PPARGC1A: variants seen among roughly 807,000 people sequenced by gnomAD.
PPARGC1A encodes peroxisome proliferator-activated receptor gamma coactivator 1-alpha.
Under a neutral mutation model 88.7 loss-of-function variants are expected in PPARGC1A, and 25 were observed. The observed-to-expected ratio is 0.28, with a 90% confidence interval of 0.21 to 0.39. The LOEUF is 0.39. Among genes scored for constraint, PPARGC1A ranks in the 10% least tolerant of loss-of-function variants. The pLI is 1.00. For missense variants in PPARGC1A, 880 were observed against 968.7 expected (o/e 0.91, Z 1.22); for synonymous variants, 363 against 355.6 (o/e 1.02, Z -0.24).
At chr4:24,082,591 T>C in the PPARGC1A span, among the ~76,000 whole-genome samples, 2 of 152,204 alleles carry the variant, frequency 1.3e-5, no homozygotes, top group South Asian at 2.1e-4. Context: ...CCAGCTGCTA[T>C]GACTTGAGGA....
At chr4:24,400,341 G>A in the PPARGC1A span, among the ~76,000 whole-genome samples, 1 of 152,132 alleles carries the variant, frequency 6.6e-6, no homozygotes, top group Non-Finnish European at 1.5e-5. Context: ...AGGAAAATGT[G>A]AAAAGGAGAG....
At chr4:24,146,042 T>A in the PPARGC1A span, among the ~76,000 whole-genome samples, 1 of 152,190 alleles carries the variant, frequency 6.6e-6, no homozygotes, top group African/African-American at 2.4e-5. Flanking sequence ...TGAGAATGCA[T>A]GTTAAAAAGA....
intron 3 of PPARGC1A, among the ~76,000 whole-genome samples, chr4:23,830,391 GTC>G (rs1348858698): frequency 1.3e-5 from 2 of 152,172 alleles, no homozygotes; most frequent in Non-Finnish European, 1.5e-5. Context: ...CATACAGTAT[GTC>G]TCTGAGTCAA....
chr4:24,189,792 ATC>A, the PPARGC1A span, among the ~76,000 whole-genome samples: 2 of 152,094 alleles, frequency 1.3e-5, no homozygotes, highest in South Asian at 2.1e-4. Context: ...GGATAGCCCT[ATC>A]TCTCTGTCAC....
chr4:24,416,659 C>T, the PPARGC1A span, among the ~76,000 whole-genome samples: 1 of 152,116 alleles, frequency 6.6e-6, no homozygotes, highest in Non-Finnish European at 1.5e-5. Context: ...ATGGAACTGG[C>T]CCGTGGGAGA....
chr4:24,172,362 T>C, the PPARGC1A span, among the ~76,000 whole-genome samples: 1 of 152,230 alleles, frequency 6.6e-6, no homozygotes, highest in Non-Finnish European at 1.5e-5. Context: ...TCATTCATTT[T>C]TTAAAGAACA....
chr4:24,230,232 G>A, the PPARGC1A span, among the ~76,000 whole-genome samples: 6 of 152,198 alleles, frequency 3.9e-5, no homozygotes, highest in Middle Eastern at 6.8e-3. Flanking sequence ...CCTGGTATTT[G>A]GCTAGCACAT....
At chr4:23,919,442 T>A in the PPARGC1A span, among the ~76,000 whole-genome samples, 1 of 151,998 alleles carries the variant, frequency 6.6e-6, no homozygotes, top group Non-Finnish European at 1.5e-5. Context: ...AAGTCCCAGA[T>A]TAACCTACCA....
upstream of PPARGC1A, among the ~76,000 whole-genome samples, chr4:23,904,566 C>A (rs553135184): frequency 6.6e-5 from 10 of 152,160 alleles, no homozygotes; most frequent in Admixed American, 1.3e-4. Context: ...TTTTCCTCCT[C>A]TCATTTATTT....
intron 2 of PPARGC1A, among the ~76,000 whole-genome samples, chr4:23,865,717 T>C (rs1711791581): frequency 6.6e-6 from 1 of 152,164 alleles, no homozygotes; most frequent in Non-Finnish European, 1.5e-5. Context: ...ACTCAAGAAA[T>C]ATCTGGCGAT....
chr4:24,470,007 T>TA, the PPARGC1A span, among the ~76,000 whole-genome samples: 1 of 152,134 alleles, frequency 6.6e-6, no homozygotes, highest in Non-Finnish European at 1.5e-5. This position sits in a 1 kb window ranked among gnomAD's most constrained non-coding sequence, Gnocchi z 5.8. Flanking sequence ...TGCAAAGCTG[T>TA]ATCACTGCTT....
chr4:24,218,534 C>A, the PPARGC1A span, among the ~76,000 whole-genome samples: 2 of 152,188 alleles, frequency 1.3e-5, no homozygotes, highest in African/African-American at 2.4e-5. Flanking sequence ...GATGTGGATA[C>A]CCTGTGCAGA....
chr4:24,003,834 T>TC, the PPARGC1A span, among the ~76,000 whole-genome samples: 4 of 150,868 alleles, frequency 2.7e-5, no homozygotes, highest in East Asian at 5.8e-4. Flanking sequence ...TTTTTTTTTT[T>TC]CAAAAAAGAT....
the PPARGC1A span, among the ~76,000 whole-genome samples, chr4:24,387,742 AAGAAAGAGAG>A: frequency 6.7e-4 from 54 of 80,586 alleles, 1 homozygote; most frequent in East Asian, 1.0e-3. Context: ...TCAAGAAAGA[AAGAAAGAGAG>A]AGAGAGAGAG....
chr4:24,106,005 G>A, the PPARGC1A span, among the ~76,000 whole-genome samples: 1 of 152,180 alleles, frequency 6.6e-6, no homozygotes, highest in African/African-American at 2.4e-5. Flanking sequence ...TCAGCAGCCT[G>A]ACACAAATTA....
At chr4:23,873,863 C>T in intron 2 of PPARGC1A, among the ~76,000 whole-genome samples, 1 of 152,060 alleles carries the variant, frequency 6.6e-6, no homozygotes, top group Non-Finnish European at 1.5e-5. Flanking sequence ...AAAAGAGCCT[C>T]CAAGTACTAG....
chr4:24,232,992 C>G, the PPARGC1A span, among the ~76,000 whole-genome samples: 4 of 152,068 alleles, frequency 2.6e-5, no homozygotes, highest in South Asian at 8.3e-4. Context: ...CTAGGGCAAG[C>G]AGGAGTTGAC....
At chr4:23,883,037 G>A (rs1220750844) in intron 2 of PPARGC1A, 1 of 152,138 alleles carries the variant, frequency 6.6e-6, no homozygotes, top group Non-Finnish European at 1.5e-5. Flanking sequence ...ATTTTTTAAA[G>A]CATTGTTTAT....
chr4:23,818,989 GGAGAT>G lies in PPARGC1A; in HGVS notation c.878-4389_878-4385del, dbSNP rs1474099801. ...CAGGTATTTAAGAAAAAAAAAATTA[GGAGAT>G]GAGTTTCTAAGTTGCTTAAAAACAC... is the stretch of plus-strand genomic sequence containing the variant. On this transcript the variant is annotated intron_variant, in intron 7 of 12. Coordinates refer to ENST00000264867, the MANE Select transcript of PPARGC1A (RefSeq NM_013261.5). 2.6e-5 allele frequency among the ~76,000 whole-genome samples: 4 copies of G among 151,724 alleles called. No homozygotes were observed. In the East Asian group the frequency reaches 7.8e-4, roughly 30 times the overall value.
Sources: allele counts gnomAD v4.1 joint callset (sites outside exome capture counted in the v4.1 genomes callset), GRCh38; gene constraint gnomAD v4.1.1; non-coding constraint Gnocchi (gnomAD v3.1); transcripts MANE v1.5; gene names NCBI Gene and HGNC (gene_info 2026-07-23, HGNC 2026-07-21).